The following CDH18 variants were observed in gnomAD, a reference collection of about 807,000 sequenced individuals.
CDH18 encodes cadherin 18.
CDH18 carries 31 observed loss-of-function variants against 67.9 expected under a neutral mutation model. The ratio of observed to expected loss-of-function variants is 0.46; its 90% CI spans 0.34 to 0.62. The LOEUF (loss-of-function observed/expected upper bound fraction) is 0.62, where lower values mean the gene tolerates loss of function less well. Among genes scored for constraint, CDH18 ranks in the 20% least tolerant of loss-of-function variants. The probability of loss-of-function intolerance (pLI) is 0.01; values close to 1 mark genes in which losing one functional copy is unlikely to be tolerated. For synonymous variants in CDH18, 362 were observed against 347.2 expected (o/e 1.04, Z -0.48); for missense variants, 890 against 975.5 (o/e 0.91, Z 1.17).
intron 1 of CDH18, among the ~76,000 whole-genome samples, chr5:20,419,987 T>G (rs893696809): frequency 2.0e-5 from 3 of 151,140 alleles, no homozygotes; most frequent in Non-Finnish European, 4.4e-5. Context: ...TATTTTCGAT[T>G]TATCCAACAG....
At chr5:20,318,917 A>C (rs1409967244) in intron 1 of CDH18, among the ~76,000 whole-genome samples, 1 of 152,058 alleles carries the variant, frequency 6.6e-6, no homozygotes, top group Admixed American at 6.6e-5. Context: ...CACCTTTCCA[A>C]CATCAGATTT....
At chr5:20,240,349 CAATT>C (rs765823200) in intron 2 of CDH18, among the ~76,000 whole-genome samples, 9 of 151,990 alleles carry the variant, frequency 5.9e-5, no homozygotes, top group East Asian at 3.9e-4. Flanking sequence ...CTGTAAGTAT[CAATT>C]GAGACAAAAT....
intron 8 of CDH18, among the ~76,000 whole-genome samples, chr5:19,566,572 C>T (rs1344736728): frequency 6.6e-6 from 1 of 152,122 alleles, no homozygotes; most frequent in African/African-American, 2.4e-5. Context: ...AAAGGTGAAA[C>T]CCCTTATAAA....
At chr5:20,372,827 T>C (rs748521382) in intron 1 of CDH18, among the ~76,000 whole-genome samples, 2 of 152,178 alleles carry the variant, frequency 1.3e-5, no homozygotes, top group Non-Finnish European at 2.9e-5. Flanking sequence ...GTCATCAGTT[T>C]GGATATTTTT....
intron 2 of CDH18, among the ~76,000 whole-genome samples, chr5:19,958,798 C>T (rs1485211516): frequency 3.9e-5 from 6 of 151,936 alleles, no homozygotes; most frequent in African/African-American, 7.3e-5. Context: ...TGTGATGTTC[C>T]GTGTTGCATC....
intron 1 of CDH18, among the ~76,000 whole-genome samples, chr5:20,362,482 C>G (rs980023145): frequency 6.6e-6 from 1 of 152,014 alleles, no homozygotes; most frequent in Non-Finnish European, 1.5e-5. Context: ...TTCTCTGACC[C>G]TAGCTTAATA....
chr5:19,821,392 CA>C (rs1396635183), intron 3 of CDH18, among the ~76,000 whole-genome samples: 10 of 121,522 alleles, frequency 8.2e-5, no homozygotes, highest in African/African-American at 2.8e-4. Context: ...CCCAGTTAAC[CA>C]AAAAACAAAA....
intron 5 of CDH18, among the ~76,000 whole-genome samples, chr5:19,717,150 T>A (rs1765438976): frequency 6.6e-6 from 1 of 152,074 alleles, no homozygotes; most frequent in Admixed American, 6.6e-5. Flanking sequence ...TACTCCTGTA[T>A]TTTTCGTGAC....
intron 1 of CDH18, among the ~76,000 whole-genome samples, chr5:20,476,437 T>C (rs79970106): frequency 0.042 from 6,316 of 152,114 alleles, 426 homozygotes; most frequent in African/African-American, 0.14. Flanking sequence ...TTTTGAATAA[T>C]TGATTCCAGT....
chr5:20,041,821 G>A (rs1740444489), intron 2 of CDH18, among the ~76,000 whole-genome samples: 1 of 152,022 alleles, frequency 6.6e-6, no homozygotes, highest in South Asian at 2.1e-4. Context: ...ATTTTACAGA[G>A]GAAAAGAAGC....
chr5:19,802,633 C>A (rs1323078091), intron 3 of CDH18, among the ~76,000 whole-genome samples: 1 of 152,034 alleles, frequency 6.6e-6, no homozygotes, highest in Non-Finnish European at 1.5e-5. Flanking sequence ...TTCATGTACA[C>A]CCATCTTACT....
intron 1 of CDH18, among the ~76,000 whole-genome samples, chr5:20,272,473 A>G (rs1745508000): frequency 6.6e-6 from 1 of 152,070 alleles, no homozygotes; most frequent in African/African-American, 2.4e-5. Context: ...TTAGAAAAAA[A>G]GCATTTTGTA....
intron 1 of CDH18, among the ~76,000 whole-genome samples, chr5:20,273,995 G>T (rs1745624378): frequency 6.6e-6 from 1 of 152,140 alleles, no homozygotes; most frequent in South Asian, 2.1e-4. Flanking sequence ...GGTGTCGGAA[G>T]AGAAGAGGGA....
At chr5:20,459,658 G>A (rs1197811204) in intron 1 of CDH18, among the ~76,000 whole-genome samples, 2 of 152,136 alleles carry the variant, frequency 1.3e-5, no homozygotes, top group Non-Finnish European at 2.9e-5. Context: ...GTTTTCCATA[G>A]GCAGAAATGG....
In CDH18 at chr5:20,172,198, ATATATATATATATATATATATATATG is replaced by A. The variant is rs1315570741; in HGVS notation, c.-518+83220_-518+83245del. ...TATCAATAGCATTGTGTGTATATAT[ATATATATATATATATATATATATATG>A]TATATATATATATATGTATATATAT... On this transcript the variant is annotated intron_variant, in intron 2 of 14. Transcript: ENST00000507958. Among the ~76,000 whole-genome samples, 9 of 46,476 alleles carry A rather than the reference ATATATATATATATATATATATATATG, an allele frequency of 1.9e-4. 1 individual carries two copies. In the East Asian group the frequency reaches 2.8e-3, roughly 15 times the overall value. The allele number at this position is 46,476 out of a possible 152,430, so 30.5% of individuals were successfully genotyped here. A position where few individuals can be genotyped will look rare whatever the true frequency, so the allele number is the denominator to read the frequency against.
chr5:19,728,077 T>C (rs1325096544), intron 4 of CDH18, among the ~76,000 whole-genome samples: 1 of 152,134 alleles, frequency 6.6e-6, no homozygotes, highest in Admixed American at 6.5e-5. Context: ...GACTTCAAAA[T>C]GAAAATATAT....
At chr5:20,084,923 C>T (rs980974193) in intron 2 of CDH18, among the ~76,000 whole-genome samples, 4 of 152,148 alleles carry the variant, frequency 2.6e-5, no homozygotes, top group African/African-American at 7.2e-5. Flanking sequence ...ATGGGAGGGG[C>T]TGCCTTGAAG....
rs75395718 is a variant in CDH18 at position 20,432,534 on chromosome 5, G to C, written c.-580+142928C>G. Among the ~76,000 whole-genome samples the C allele has an allele frequency of 6.5e-3, 988 of 152,038 alleles. 13 individuals are homozygous for C. The highest frequency in any genetic ancestry group is 0.023 in the African/African-American group (943 of 41,462). ...CAGGAATGCTTTTTCTTACAGTTTTGGAAGTAAGAAATTACTTCCAAAAGT... is the reference window on the plus strand; with the variant it reads ...CAGGAATGCTTTTTCTTACAGTTTTCGAAGTAAGAAATTACTTCCAAAAGT... On this transcript the variant is annotated intron_variant, in intron 1 of 14. Coordinates refer to the CDH18 transcript ENST00000507958.
At chr5:19,488,020 T>C (rs111585188) in intron 11 of CDH18, among the ~76,000 whole-genome samples, 1,936 of 152,282 alleles carry the variant, frequency 0.013, 26 homozygotes, top group South Asian at 0.018. Flanking sequence ...GGCCACAGAA[T>C]ACATTAGTAG....
Sources: allele counts gnomAD v4.1 joint callset (sites outside exome capture counted in the v4.1 genomes callset), GRCh38; gene constraint gnomAD v4.1.1; transcripts MANE v1.5; gene names NCBI Gene and HGNC (gene_info 2026-07-23, HGNC 2026-07-21).